CNDP1: variants seen among roughly 807,000 people sequenced by gnomAD.
CNDP1 encodes the protein beta-Ala-His dipeptidase.
Under a neutral mutation model 58.1 loss-of-function variants are expected in CNDP1, and 44 were observed. The observed-to-expected ratio is 0.76, with a 90% confidence interval of 0.60 to 0.97. CNDP1 has a LOEUF of 0.97. CNDP1 is among the 50% of genes least tolerant of loss of function. The probability of loss-of-function intolerance (pLI) is 0.00; values close to 1 mark genes in which losing one functional copy is unlikely to be tolerated. For synonymous variants in CNDP1, 254 were observed against 252.6 expected, an observed-to-expected ratio of 1.01 and a Z score of -0.05; for missense variants, 616 against 655.1, an observed-to-expected ratio of 0.94 and a Z score of 0.65.
intron 1 of CNDP1, among the ~76,000 whole-genome samples, chr18:74,552,068 C>G (rs1189087476): frequency 6.6e-6 from 1 of 152,214 alleles, no homozygotes; most frequent in Admixed American, 6.5e-5. Context: ...CTAAGTCCCA[C>G]AGAGCTGGGC....
At chr18:74,537,668 G>T (rs1409202855) in intron 1 of CNDP1, among the ~76,000 whole-genome samples, 1 of 152,160 alleles carries the variant, frequency 6.6e-6, no homozygotes, top group African/African-American at 2.4e-5. Context: ...CTCACCCTTT[G>T]GATGGGGCAC....
At chr18:74,539,130 C>G (rs552338088) in intron 1 of CNDP1, among the ~76,000 whole-genome samples, 1 of 150,058 alleles carries the variant, frequency 6.7e-6, no homozygotes, top group Non-Finnish European at 1.5e-5. Flanking sequence ...AATACATGGA[C>G]ATTCGCTGCA....
intron 6 of CNDP1, among the ~76,000 whole-genome samples, chr18:74,568,698 T>C (rs929020660): frequency 3.3e-5 from 5 of 152,116 alleles, no homozygotes; most frequent in Non-Finnish European, 7.4e-5. Context: ...CGTCCATTTT[T>C]TTCTGTTTAG....
chr18:74,548,008 G>A (rs1980806785), intron 1 of CNDP1, among the ~76,000 whole-genome samples: 1 of 152,084 alleles, frequency 6.6e-6, no homozygotes, highest in Admixed American at 6.6e-5. Flanking sequence ...CCCTCAGCTG[G>A]GCAACCGCCT....
At chr18:74,559,230 CT>C (rs1177810089) in intron 2 of CNDP1, 92 bp from the exon 3 acceptor site, 46 of 1,270,082 alleles carry the variant, frequency 3.6e-5, no homozygotes, top group Non-Finnish European at 4.6e-6. Flanking sequence ...AGAAAAGTAC[CT>C]GGGGACTCGC....
rs1388658213 is a variant in CNDP1 at position 74,562,047 on chromosome 18, G to A, written c.467G>A (p.Gly156Glu). The A allele has an allele frequency of 9.9e-6, 16 of 1,613,926 alleles. No homozygotes were observed. Among genetic ancestry groups the A allele is most frequent in the Non-Finnish European group, 1.4e-5 (16 of 1,179,846 alleles). The change falls in exon 5 of 12, where the codon GGG becomes GAG. Residue 156 changes from glycine to glutamate, a missense_variant and splice_region_variant. Coordinates refer to ENST00000358821, the MANE Select transcript of CNDP1 (RefSeq NM_032649.6). ...GAACATTCTTCTCCCCTTTTTAAAGGGAAACTTTATGGACGAGGAGCGACC... is the reference window on the plus strand; with the variant it reads ...GAACATTCTTCTCCCCTTTTTAAAGAGAAACTTTATGGACGAGGAGCGACC... ...TDPYVLTEVD[G>E]KLYGRGATDN...
At chr18:74,536,279 T>A (rs1355927138) in intron 1 of CNDP1, among the ~76,000 whole-genome samples, 1 of 152,046 alleles carries the variant, frequency 6.6e-6, no homozygotes, top group Admixed American at 6.5e-5. Context: ...TTTTTGCTGA[T>A]CCTCTCCCTC....
Position 74,567,194 on chromosome 18 carries a change from A to G in CNDP1, c.556-39A>G. The G allele has an allele frequency of 2.0e-6, 3 of 1,535,150 alleles. No homozygotes were observed. The South Asian group carries it at 3.4e-5, about 17-fold the overall frequency. On this transcript the variant is annotated intron_variant, in intron 5 of 11. Coordinates refer to ENST00000358821, the MANE Select transcript of CNDP1 (RefSeq NM_032649.6). ...GGTGGGGACACAGCCAAACCACATC[A>G]GGCAACTTGTGCAATTTTTTTCTTC... is the stretch of plus-strand genomic sequence containing the variant.
intron 7 of CNDP1, among the ~76,000 whole-genome samples, chr18:74,574,146 T>C (rs1158260024): frequency 6.6e-6 from 1 of 152,246 alleles, no homozygotes; most frequent in African/African-American, 2.4e-5. Flanking sequence ...CTAGTCAGGA[T>C]GTGGGAATCC....
rs974488751 is a variant in CNDP1 at position 74,545,901 on chromosome 18, C to T, written c.25-10437C>T. Among the ~76,000 whole-genome samples the T allele has an allele frequency of 1.3e-5, 2 of 152,134 alleles. No homozygotes were observed. Among genetic ancestry groups the T allele is most frequent in the Non-Finnish European group, 2.9e-5 (2 of 68,034 alleles). On this transcript the variant is annotated intron_variant, in intron 1 of 11. Coordinates refer to ENST00000358821, the MANE Select transcript of CNDP1 (RefSeq NM_032649.6). This position sits in a 1 kb window ranked among gnomAD's most constrained non-coding sequence, Gnocchi z 4.1. Reference sequence around the variant, plus strand: ...AGCGTCAGGCACAGCCTCATGGATCCCTTAGGATTTACACCTCTCACCCCT... The same window carrying T: ...AGCGTCAGGCACAGCCTCATGGATCTCTTAGGATTTACACCTCTCACCCCT...
chr18:74,572,422 C>T (rs1981501986), intron 7 of CNDP1, among the ~76,000 whole-genome samples: 1 of 152,122 alleles, frequency 6.6e-6, no homozygotes, highest in Non-Finnish European at 1.5e-5. Flanking sequence ...AAGAGGTTCA[C>T]ACATTACCTA....
chr18:74,575,849 G>A (rs1406955672), intron 7 of CNDP1, among the ~76,000 whole-genome samples: 2 of 148,306 alleles, frequency 1.3e-5, no homozygotes, highest in Non-Finnish European at 3.0e-5. Context: ...GTGTGTGTGT[G>A]TGTGTGTGTG....
At chr18:74,538,222 A>G (rs1980531283) in intron 1 of CNDP1, among the ~76,000 whole-genome samples, 1 of 152,130 alleles carries the variant, frequency 6.6e-6, no homozygotes, top group South Asian at 2.1e-4. Flanking sequence ...TTAAACAACT[A>G]CTAACCTGTT....
rs1253734680 is a variant in CNDP1, at chr18:74,578,144, T to C, written c.1003-19T>C. 6.3e-7 allele frequency: 1 copy of C among 1,595,052 alleles called. No homozygotes were observed. The highest frequency in any genetic ancestry group is 8.5e-7 in the Non-Finnish European group (1 of 1,172,034). The stretch of plus-strand genomic sequence containing the variant: ...GGGTTCTAATTAAGCATCCTTTGGA[T>C]AATTTTATTTTAATATAGGAGGAGA... On this transcript the variant is annotated intron_variant, in intron 8 of 11. Transcript: ENST00000358821.
At chr18:74,539,178 CA>C (rs5826332) in intron 1 of CNDP1, among the ~76,000 whole-genome samples, 44 of 143,214 alleles carry the variant, frequency 3.1e-4, no homozygotes, top group African/African-American at 4.9e-4. Context: ...TCCCTCATCT[CA>C]AAAAAAAAAA....
At chr18:74,560,514 T>C (rs1195765338) in intron 3 of CNDP1, among the ~76,000 whole-genome samples, 1 of 152,090 alleles carries the variant, frequency 6.6e-6, no homozygotes. Context: ...CTGGTCAGCC[T>C]GGGCAACATG....
chr18:74,534,715 A>G (rs1446893603), intron 1 of CNDP1, 24 bp downstream of exon 1: 4 of 1,613,844 alleles, frequency 2.5e-6, no homozygotes, highest in Non-Finnish European at 3.4e-6. Context: ...CCTCCATCAG[A>G]GTCCGTGCAT....
At chr18:74,554,492 C>T (rs539284135) in intron 1 of CNDP1, among the ~76,000 whole-genome samples, 1 of 152,334 alleles carries the variant, frequency 6.6e-6, no homozygotes, top group East Asian at 1.9e-4. Context: ...GCTCCCTGTG[C>T]ACAAATTCAT....
intron 1 of CNDP1, among the ~76,000 whole-genome samples, chr18:74,547,318 CG>C (rs1380895794): frequency 6.6e-6 from 1 of 152,222 alleles, no homozygotes; most frequent in Non-Finnish European, 1.5e-5. Context: ...GGATGACTGA[CG>C]GTCACTGAGG....
Sources: allele counts gnomAD v4.1 joint callset (sites outside exome capture counted in the v4.1 genomes callset), GRCh38; gene constraint gnomAD v4.1.1; non-coding constraint Gnocchi (gnomAD v3.1); transcripts MANE v1.5; gene names NCBI Gene and HGNC (gene_info 2026-07-23, HGNC 2026-07-21).